NSF: variants seen among roughly 807,000 people sequenced by gnomAD.
NSF encodes the protein vesicle-fusing ATPase.
NSF carries 14 observed loss-of-function variants against 50.3 expected under a neutral mutation model. That is an observed-to-expected ratio of 0.28 (90% CI 0.18 to 0.44). NSF has a LOEUF of 0.44. Ranked by LOEUF, NSF falls within the 20% of genes least tolerant of loss-of-function variation. The pLI, the probability that NSF is intolerant of heterozygous loss-of-function variation, is 1.00. For missense variants in NSF, 218 were observed against 504.3 expected (o/e 0.43, Z 5.44); for synonymous variants, 109 against 175.7 (o/e 0.62, Z 3.00).
chr17:46,748,999 G>A (rs1413243966), intron 17 of NSF, among the ~76,000 whole-genome samples: 1 of 152,152 alleles, frequency 6.6e-6, no homozygotes, highest in African/African-American at 2.4e-5. Context: ...GGCATGTGGT[G>A]GGGGAAGGGG....
intron 1 of NSF, among the ~76,000 whole-genome samples, chr17:46,607,833 G>A (rs2057965356): frequency 8.9e-6 from 1 of 112,890 alleles, no homozygotes; most frequent in Non-Finnish European, 1.6e-5. Flanking sequence ...GTCAGATTAG[G>A]GCCCTTCGCT....
intron 9 of NSF, among the ~76,000 whole-genome samples, chr17:46,685,207 A>G (rs1253599664): frequency 1.4e-5 from 2 of 148,072 alleles, no homozygotes; most frequent in Non-Finnish European, 3.0e-5. Flanking sequence ...CAGTTGTGAT[A>G]GTTAACCACA....
intron 17 of NSF, among the ~76,000 whole-genome samples, chr17:46,741,239 A>T (rs2059068221): frequency 6.6e-6 from 1 of 152,306 alleles, no homozygotes; most frequent in South Asian, 2.1e-4. Context: ...GTTTGGGGGA[A>T]TGAGGTAATC....
intron 9 of NSF, among the ~76,000 whole-genome samples, chr17:46,679,313 G>C (rs982650360): frequency 4.3e-5 from 6 of 140,794 alleles, no homozygotes; most frequent in Non-Finnish European, 7.7e-5. Context: ...CTCTATGTGT[G>C]ATGTATTTTG....
intron 19 of NSF, among the ~76,000 whole-genome samples, chr17:46,753,078 C>G (rs945345413): frequency 6.6e-6 from 1 of 152,188 alleles, no homozygotes; most frequent in Non-Finnish European, 1.5e-5. Context: ...CAGTAAACTT[C>G]TGTTGGATGA....
At chr17:46,602,985 A>G (rs972369689) in intron 1 of NSF, among the ~76,000 whole-genome samples, 2 of 111,774 alleles carry the variant, frequency 1.8e-5, no homozygotes, top group Non-Finnish European at 3.6e-5. Context: ...TGTTTATTCT[A>G]TTATTTAAAT....
intron 15 of NSF, among the ~76,000 whole-genome samples, chr17:46,720,643 A>G (rs1295568639): frequency 7.2e-5 from 11 of 152,200 alleles, no homozygotes; most frequent in Admixed American, 7.2e-4. Context: ...TATGCTACCA[A>G]ATATGATTAG....
intron 17 of NSF, among the ~76,000 whole-genome samples, chr17:46,738,377 A>G (rs7216231): frequency 0.78 from 119,114 of 152,144 alleles, 50,404 homozygotes; most frequent in Non-Finnish European, 0.97. Context: ...TTTTTTCTAA[A>G]TGACTGAAGC....
Position 46,610,045 on chromosome 17 carries a change from T to TCTCTCTC in NSF, c.13-14199_13-14198insCTCTCTC, listed in dbSNP as rs1568013977. Among the ~76,000 whole-genome samples the TCTCTCTC allele has an allele frequency of 4.6e-5, 4 of 86,218 alleles. 1 individual carries two copies. The highest frequency in any genetic ancestry group is 1.1e-4 in the Non-Finnish European group (4 of 35,664). The allele number at this position is 86,218 out of a possible 152,430, so 56.6% of individuals were successfully genotyped here. ...TCTTTCTTTCTCTCTCTCTCTCTCT[T>TCTCTCTC]TCTTTCTTTCTTTCTTTCTTTCCTT... On this transcript the variant is annotated intron_variant, in intron 1 of 20. Coordinates refer to ENST00000398238, the MANE Select transcript of NSF (RefSeq NM_006178.4).
At chr17:46,608,850 TC>T (rs1416257934) in intron 1 of NSF, among the ~76,000 whole-genome samples, 2 of 151,876 alleles carry the variant, frequency 1.3e-5, no homozygotes, top group African/African-American at 4.9e-5. Flanking sequence ...TGCCTTGGCC[TC>T]CCAAAGTGCT....
At chr17:46,610,099 T>TTC (rs369452486) in intron 1 of NSF, among the ~76,000 whole-genome samples, 41,863 of 87,910 alleles carry the variant, frequency 0.48, 8,729 homozygotes, top group Non-Finnish European at 0.62. Context: ...TTTTCTCTCT[T>TTC]TCTCTCTCTC....
chr17:46,598,942 T>TTA (rs1204910116), intron 1 of NSF, among the ~76,000 whole-genome samples: 5 of 138,526 alleles, frequency 3.6e-5, no homozygotes, highest in Non-Finnish European at 7.7e-5. Context: ...GTTTTGTGTA[T>TTA]CGCTTTAGTG....
intron 17 of NSF, among the ~76,000 whole-genome samples, chr17:46,740,078 C>G (rs1441036012): frequency 1.3e-5 from 2 of 152,170 alleles, no homozygotes; most frequent in African/African-American, 2.4e-5. Context: ...TTGTCCTTGC[C>G]TGTCAGTTTT....
chr17:46,755,405 A>C (rs780820848), intron 20 of NSF, 36 bp downstream of exon 20: 5 of 1,514,756 alleles, frequency 3.3e-6, no homozygotes, highest in Non-Finnish European at 4.6e-6. Flanking sequence ...CATCAACCAA[A>C]CTTACCACCC....
intron 15 of NSF, chr17:46,721,760 G>T (rs192341654): frequency 1.2e-6 from 2 of 1,602,972 alleles, no homozygotes; most frequent in Admixed American, 1.7e-5. Flanking sequence ...AATTTCGCTT[G>T]GGAAGACCAA....
At chr17:46,661,378 TTTATTA>T (rs892367324) in intron 8 of NSF, among the ~76,000 whole-genome samples, 110 of 106,522 alleles carry the variant, frequency 1.0e-3, no homozygotes, top group African/African-American at 4.3e-3. Context: ...TACATTTCTT[TTTATTA>T]TTATTATTAT....
At position 46,719,078 on chromosome 17, in the gene NSF, G is replaced by A. The variant is rs543299189; in HGVS notation, c.1761+5092G>A. On this transcript the variant is annotated intron_variant, in intron 15 of 20. Transcript: ENST00000398238. The surrounding 1 kb of genome is among the most constrained non-coding windows in gnomAD (Gnocchi z 4.3). ...TATGAGTTTCTTGGGATTCTCACCC[G>A]TACTTGATATTATTAAAATATTTTT... Among the ~76,000 whole-genome samples the A allele has an allele frequency of 8.5e-5, 13 of 152,252 alleles. No homozygotes were observed. The highest frequency in any genetic ancestry group is 2.6e-4 in the African/African-American group (11 of 41,532).
Position 46,742,331 on chromosome 17 carries a change from T to A in NSF, c.1909-7442T>A, listed in dbSNP as rs554419680. 2.9e-4 allele frequency among the ~76,000 whole-genome samples: 44 copies of A among 152,328 alleles called. 1 individual carries two copies. The highest frequency in any genetic ancestry group is 9.9e-4 in the African/African-American group (41 of 41,558). The stretch of plus-strand genomic sequence containing the variant: ...TGTGCATTTTTCTAGGACCAGAAAG[T>A]AATAATGAAGGAGTGATCTGCTACC... On this transcript the variant is annotated intron_variant, in intron 17 of 20. Transcript: ENST00000398238.
At position 46,751,501 on chromosome 17, in the gene NSF, A is replaced by C; in HGVS notation, c.2044-2A>C. On this transcript the variant is annotated splice_acceptor_variant, in intron 18 of 20. Transcript: ENST00000398238. LOFTEE classifies it high-confidence loss of function. ...TTTGATTATTGTTTATTGTTTTTGT[A>C]GCTTTTGGGCAACTTCAAGGATAAG... 6.2e-7 allele frequency: 1 copy of C among 1,611,260 alleles called. No homozygotes were observed. Among genetic ancestry groups the C allele is most frequent in the Non-Finnish European group, 8.5e-7 (1 of 1,177,542 alleles).
Sources: allele counts gnomAD v4.1 joint callset (sites outside exome capture counted in the v4.1 genomes callset), GRCh38; gene constraint gnomAD v4.1.1; non-coding constraint Gnocchi (gnomAD v3.1); transcripts MANE v1.5; gene names NCBI Gene and HGNC (gene_info 2026-07-23, HGNC 2026-07-21).